GPC5: variants seen among roughly 807,000 people sequenced by gnomAD.
The protein encoded by GPC5 is glypican-5.
GPC5 carries 47 observed loss-of-function variants against 53.9 expected under a neutral mutation model. That is an observed-to-expected ratio of 0.87 (90% CI 0.69 to 1.11). GPC5 has a LOEUF of 1.11. GPC5 is among the 50% of genes most tolerant of loss of function. GPC5 has a pLI of 0.00. For missense variants in GPC5, 748 were observed against 713.1 expected (o/e 1.05, Z -0.56); for synonymous variants, 286 against 263.3 (o/e 1.09, Z -0.84).
chr13:91,637,146 G>A (rs1566571526), intron 2 of GPC5, among the ~76,000 whole-genome samples: 1 of 152,186 alleles, frequency 6.6e-6, no homozygotes, highest in East Asian at 1.9e-4. Flanking sequence ...GTACAGGCAG[G>A]TTGAAGGACA....
At chr13:91,596,901 G>T (rs887266249) in intron 2 of GPC5, among the ~76,000 whole-genome samples, 1 of 152,024 alleles carries the variant, frequency 6.6e-6, no homozygotes, top group Non-Finnish European at 1.5e-5. Flanking sequence ...TCAATATTCT[G>T]GTGAATACTC....
intron 7 of GPC5, among the ~76,000 whole-genome samples, chr13:92,554,568 A>C (rs1158628145): frequency 6.6e-6 from 1 of 151,556 alleles, no homozygotes; most frequent in African/African-American, 2.4e-5. Flanking sequence ...TGAAACAAAA[A>C]TTCATCCCCA....
intron 7 of GPC5, among the ~76,000 whole-genome samples, chr13:92,563,211 AAT>A (rs1358140830): frequency 2.0e-5 from 3 of 152,050 alleles, no homozygotes; most frequent in Non-Finnish European, 2.9e-5. Flanking sequence ...TTTTAGAATT[AAT>A]ATGTCCATGC....
intron 7 of GPC5, among the ~76,000 whole-genome samples, chr13:92,787,681 AAAG>A (rs1876295975): frequency 6.7e-6 from 1 of 148,476 alleles, no homozygotes; most frequent in African/African-American, 2.5e-5. Context: ...AAAAAAAAAA[AAAG>A]AAAAGAAAAG....
At chr13:91,490,740 C>T (rs930061770) in intron 2 of GPC5, among the ~76,000 whole-genome samples, 3 of 152,178 alleles carry the variant, frequency 2.0e-5, no homozygotes, top group Non-Finnish European at 1.5e-5. Context: ...AGAGAAAAAG[C>T]TAAATGTACA....
At chr13:91,520,358 G>A (rs568766833) in intron 2 of GPC5, among the ~76,000 whole-genome samples, 1 of 152,288 alleles carries the variant, frequency 6.6e-6, no homozygotes, top group East Asian at 1.9e-4. Flanking sequence ...CATCAGTCTA[G>A]ATCTTGCTTT....
chr13:92,433,221 G>C (rs979201861), intron 7 of GPC5, among the ~76,000 whole-genome samples: 1 of 151,954 alleles, frequency 6.6e-6, no homozygotes, highest in African/African-American at 2.4e-5. Context: ...GAGATTTGAA[G>C]CACAGATGAA....
At chr13:92,729,549 T>C (rs2139297334) in intron 7 of GPC5, among the ~76,000 whole-genome samples, 1 of 151,576 alleles carries the variant, frequency 6.6e-6, no homozygotes, top group East Asian at 1.9e-4. Flanking sequence ...AATATAAAAT[T>C]ACTTATATGG....
In GPC5 at chr13:91,578,939, T is replaced by A. The variant is rs576200841; in HGVS notation, c.326-114248T>A. On this transcript the variant is annotated intron_variant, in intron 2 of 7. Transcript: ENST00000377067. Reference sequence around the variant, plus strand: ...GCATGTGCCTGTAGTCCCAGTCACTTGGAGGCTGAGGTGGGAGGATTGCTT... The same window carrying A: ...GCATGTGCCTGTAGTCCCAGTCACTAGGAGGCTGAGGTGGGAGGATTGCTT... Among the ~76,000 whole-genome samples, 4 of 151,886 alleles carry A rather than the reference T, an allele frequency of 2.6e-5. No homozygotes were observed. In the South Asian group the frequency reaches 8.3e-4, roughly 32 times the overall value.
chr13:92,199,901 G>A (rs1369802089), intron 7 of GPC5, among the ~76,000 whole-genome samples: 1 of 151,988 alleles, frequency 6.6e-6, no homozygotes, highest in Non-Finnish European at 1.5e-5. Context: ...TGAGAAAATA[G>A]GTACAGGTAA....
chr13:92,679,573 T>C (rs2139220219), intron 7 of GPC5, among the ~76,000 whole-genome samples: 1 of 152,302 alleles, frequency 6.6e-6, no homozygotes, highest in African/African-American at 2.4e-5. Context: ...ATTATGAAAA[T>C]ACACACTTTC....
chr13:91,565,859 G>A (rs1192839209), intron 2 of GPC5, among the ~76,000 whole-genome samples: 1 of 152,138 alleles, frequency 6.6e-6, no homozygotes, highest in Non-Finnish European at 1.5e-5. Flanking sequence ...ACTTCTGGAG[G>A]CTCTGAGGAT....
intron 7 of GPC5, among the ~76,000 whole-genome samples, chr13:92,385,702 C>T (rs1461959382): frequency 8.5e-6 from 1 of 118,304 alleles, no homozygotes; most frequent in Non-Finnish European, 1.6e-5. Context: ...CCTATATACA[C>T]ATATATACAC....
intron 7 of GPC5, among the ~76,000 whole-genome samples, chr13:92,400,657 T>C (rs889554937): frequency 1.3e-5 from 2 of 152,238 alleles, no homozygotes; most frequent in Non-Finnish European, 2.9e-5. Context: ...CCTTTTGAAA[T>C]TCACGAAGCA....
At chr13:92,075,830 A>T (rs1026809827) in intron 6 of GPC5, among the ~76,000 whole-genome samples, 2 of 152,184 alleles carry the variant, frequency 1.3e-5, no homozygotes, top group African/African-American at 4.8e-5. Flanking sequence ...TTATAAATAT[A>T]TGACATTTCA....
At position 92,808,647 on chromosome 13, in the gene GPC5, CCT is replaced by C. The variant is rs1418553023; in HGVS notation, c.1562-57634_1562-57633del. 4.0e-5 allele frequency among the ~76,000 whole-genome samples: 6 copies of C among 151,798 alleles called. 1 individual carries two copies. In the South Asian group the frequency reaches 8.3e-4, roughly 21 times the overall value. ...AATAACATTTATTTAAAATATTTAC[CCT>C]GAGATGTATACAACAGAATCAACCA... On this transcript the variant is annotated intron_variant, in intron 7 of 7. Transcript: ENST00000377067.
At chr13:92,773,731 C>G (rs555925837) in intron 7 of GPC5, among the ~76,000 whole-genome samples, 31 of 152,282 alleles carry the variant, frequency 2.0e-4, no homozygotes, top group African/African-American at 7.0e-4. Context: ...CTTCCATTCT[C>G]TCTTTGTAAG....
intron 7 of GPC5, among the ~76,000 whole-genome samples, chr13:92,763,864 C>G (rs925338059): frequency 6.6e-6 from 1 of 152,126 alleles, no homozygotes; most frequent in East Asian, 1.9e-4. Context: ...GAGCAGCGTA[C>G]TATTGCAATA....
rs537959105 is a variant in GPC5, at chr13:92,352,734, T to C, written c.1561+207745T>C. On this transcript the variant is annotated intron_variant, in intron 7 of 7. Transcript: ENST00000377067. Reference sequence around the variant, plus strand: ...GAGAAGATGTGTATCTATGGTGTCTTGATATATCACTGGTGGAAGTATACA... The same window carrying C: ...GAGAAGATGTGTATCTATGGTGTCTCGATATATCACTGGTGGAAGTATACA... Among the ~76,000 whole-genome samples, 6 of 152,314 alleles carry C rather than the reference T, an allele frequency of 3.9e-5. No homozygotes were observed. In the South Asian group the frequency reaches 1.2e-3, roughly 32 times the overall value.
Sources: allele counts gnomAD v4.1 joint callset (sites outside exome capture counted in the v4.1 genomes callset), GRCh38; gene constraint gnomAD v4.1.1; transcripts MANE v1.5; gene names NCBI Gene and HGNC (gene_info 2026-07-23, HGNC 2026-07-21).